The following TOM1L2 variants were observed in gnomAD, a reference collection of about 807,000 sequenced individuals.
TOM1L2 encodes the protein TOM1-like protein 2.
TOM1L2 carries 31 observed loss-of-function variants against 67.9 expected under a neutral mutation model. That is an observed-to-expected ratio of 0.46 (90% CI 0.34 to 0.62). The LOEUF is 0.62. TOM1L2 is among the 20% of genes least tolerant of loss of function. The pLI, the probability that TOM1L2 is intolerant of heterozygous loss-of-function variation, is 0.01. For missense variants in TOM1L2, 606 were observed against 663.5 expected (o/e 0.91, Z 0.95); for synonymous variants, 256 against 254.0 (o/e 1.01, Z -0.07).
intron 1 of TOM1L2, among the ~76,000 whole-genome samples, chr17:17,940,052 G>A (rs1210345111): frequency 1.3e-5 from 2 of 152,042 alleles, no homozygotes; most frequent in Non-Finnish European, 2.9e-5. Flanking sequence ...AACTAGCCAG[G>A]TGTGGTGGCG....
chr17:17,921,851 G>A (rs959717167), intron 1 of TOM1L2, among the ~76,000 whole-genome samples: 2 of 152,116 alleles, frequency 1.3e-5, no homozygotes, highest in African/African-American at 2.4e-5. Flanking sequence ...GCCTCCCAGG[G>A]GCTGTTCCCC....
intron 1 of TOM1L2, among the ~76,000 whole-genome samples, chr17:17,920,801 A>G (rs934457949): frequency 2.7e-5 from 4 of 150,880 alleles, no homozygotes. Context: ...TGCCCAGCTA[A>G]TTTTTGTATT....
intron 2 of TOM1L2, among the ~76,000 whole-genome samples, chr17:17,905,813 C>G (rs2039067648): frequency 6.6e-6 from 1 of 152,142 alleles, no homozygotes; most frequent in Non-Finnish European, 1.5e-5. Flanking sequence ...CACTCCTCTG[C>G]TTGAATCTCC....
At chr17:17,938,094 C>G (rs2040581672) in intron 1 of TOM1L2, among the ~76,000 whole-genome samples, 1 of 152,156 alleles carries the variant, frequency 6.6e-6, no homozygotes, top group East Asian at 1.9e-4. Context: ...CTGTGTTACT[C>G]CCTCTCACCC....
At chr17:17,873,462 C>G (rs2037256158) in intron 7 of TOM1L2, among the ~76,000 whole-genome samples, 1 of 152,142 alleles carries the variant, frequency 6.6e-6, no homozygotes, top group African/African-American at 2.4e-5. Context: ...GTGACCAGCC[C>G]CCATCTGCAC....
At chr17:17,958,801 G>A (rs1283351755) in intron 1 of TOM1L2, among the ~76,000 whole-genome samples, 1 of 152,206 alleles carries the variant, frequency 6.6e-6, no homozygotes, top group Non-Finnish European at 1.5e-5. Flanking sequence ...TAGCCAGAAA[G>A]ACCAAGGTAC....
rs373811909 is a variant in TOM1L2 at position 17,882,697 on chromosome 17, G to C, written c.660+8C>G. ...TGGCTTGCCTATGGCCCCGAAGTAT[G>C]CAAGTACCTGTTCTGAATTGGCTGT... On this transcript the variant is annotated splice_region_variant and intron_variant, in intron 6 of 14. Coordinates refer to ENST00000379504, the MANE Select transcript of TOM1L2 (RefSeq NM_001082968.2). 5 of 1,613,482 alleles carry C rather than the reference G, an allele frequency of 3.1e-6. No individual in the cohort carries two copies. The African/African-American group carries it at 4.0e-5, about 13-fold the overall frequency.
At chr17:17,886,526 C>T (rs1476309511) in intron 4 of TOM1L2, among the ~76,000 whole-genome samples, 1 of 152,260 alleles carries the variant, frequency 6.6e-6, no homozygotes, top group African/African-American at 2.4e-5. Flanking sequence ...CCTGTGACGC[C>T]AACCTCAAAA....
At chr17:17,899,893 G>C (rs1473492947) in intron 2 of TOM1L2, among the ~76,000 whole-genome samples, 14 of 152,332 alleles carry the variant, frequency 9.2e-5, no homozygotes, top group African/African-American at 3.4e-4. Flanking sequence ...GGAAAGGGTT[G>C]ATGCTCTGCT....
At chr17:17,952,979 G>A (rs1175079982) in intron 1 of TOM1L2, among the ~76,000 whole-genome samples, 1 of 152,122 alleles carries the variant, frequency 6.6e-6, no homozygotes, top group East Asian at 1.9e-4. Flanking sequence ...ACCACAATAG[G>A]GCTGCAATGG....
chr17:17,930,916 G>C (rs148329645), intron 1 of TOM1L2, among the ~76,000 whole-genome samples: 199 of 152,260 alleles, frequency 1.3e-3, no homozygotes, highest in African/African-American at 4.6e-3. Flanking sequence ...CTCTAGGATG[G>C]GGATTTTTTT....
At chr17:17,903,395 G>A (rs1045713627) in intron 2 of TOM1L2, among the ~76,000 whole-genome samples, 2 of 152,220 alleles carry the variant, frequency 1.3e-5, no homozygotes, top group East Asian at 1.9e-4. Flanking sequence ...AGGCTGAGGC[G>A]GGCGGATCAC....
chr17:17,886,926 C>T (rs1477458994), intron 4 of TOM1L2, among the ~76,000 whole-genome samples: 1 of 152,248 alleles, frequency 6.6e-6, no homozygotes, highest in Non-Finnish European at 1.5e-5. Context: ...GATGTTCTCA[C>T]TGGGTAGGCA....
At chr17:17,862,930 C>T in intron 10 of TOM1L2, 82 bp from the exon 11 acceptor site, 1 of 976,556 alleles carries the variant, frequency 1.0e-6, no homozygotes, top group South Asian at 1.5e-5. Flanking sequence ...AGCTAGGACG[C>T]CAGCCAGGTG....
At chr17:17,868,034 C>T (rs1738457770) in intron 8 of TOM1L2, among the ~76,000 whole-genome samples, 1 of 152,204 alleles carries the variant, frequency 6.6e-6, no homozygotes. Flanking sequence ...GACTGGGAGA[C>T]TCTTGGGTGA....
At chr17:17,903,258 A>G (rs1232802038) in intron 2 of TOM1L2, among the ~76,000 whole-genome samples, 1 of 152,088 alleles carries the variant, frequency 6.6e-6, no homozygotes, top group Non-Finnish European at 1.5e-5. Context: ...GACTTCATTC[A>G]TTTATTCACT....
intron 1 of TOM1L2, among the ~76,000 whole-genome samples, chr17:17,920,988 G>A (rs1157906086): frequency 2.0e-4 from 31 of 152,066 alleles, no homozygotes; most frequent in Non-Finnish European, 4.4e-5. Flanking sequence ...AGTTAACATT[G>A]GTATAGTACT....
intron 1 of TOM1L2, among the ~76,000 whole-genome samples, chr17:17,910,732 G>T (rs1028454992): frequency 2.0e-5 from 3 of 152,006 alleles, no homozygotes; most frequent in Non-Finnish European, 4.4e-5. Flanking sequence ...ACCATGCCTG[G>T]CTAATTTTTG....
At chr17:17,874,347 T>C (rs1185672287) in intron 7 of TOM1L2, among the ~76,000 whole-genome samples, 1 of 151,944 alleles carries the variant, frequency 6.6e-6, no homozygotes, top group African/African-American at 2.4e-5. Flanking sequence ...CTCAGCTCAC[T>C]GCAACCTCCG....
Sources: allele counts gnomAD v4.1 joint callset (sites outside exome capture counted in the v4.1 genomes callset), GRCh38; gene constraint gnomAD v4.1.1; transcripts MANE v1.5; gene names NCBI Gene and HGNC (gene_info 2026-07-23, HGNC 2026-07-21).